SCN11A: variants seen among roughly 807,000 people sequenced by gnomAD.
The protein encoded by SCN11A is sodium voltage-gated channel alpha subunit 11.
SCN11A carries 122 observed loss-of-function variants against 162.2 expected under a neutral mutation model. That is an observed-to-expected ratio of 0.75 (90% CI 0.65 to 0.87). The LOEUF (loss-of-function observed/expected upper bound fraction) is 0.87. Ranked by LOEUF, SCN11A falls within the 40% of genes least tolerant of loss-of-function variation. The pLI, the probability that SCN11A is intolerant of heterozygous loss-of-function variation, is 0.00. For synonymous variants in SCN11A, 758 were observed against 751.5 expected, an observed-to-expected ratio of 1.01 and a Z score of -0.14; for missense variants, 2,015 against 2,181.6, an observed-to-expected ratio of 0.92 and a Z score of 1.52.
chr3:38,956,122 G>A (rs1409301149), intron 3 of SCN11A, among the ~76,000 whole-genome samples: 2 of 152,110 alleles, frequency 1.3e-5, no homozygotes, highest in African/African-American at 2.4e-5. Flanking sequence ...GTGCGTGCCT[G>A]TAATCCCAGC....
At position 38,899,863 on chromosome 3, in the gene SCN11A, G is replaced by A. The variant is rs377324020; in HGVS notation, c.2022+31C>T. 6.3e-6 allele frequency: 10 copies of A among 1,590,974 alleles called. No individual in the cohort carries two copies. In the Admixed American group the frequency reaches 6.8e-5, roughly 11 times the overall value. On this transcript the variant is annotated intron_variant, in intron 17 of 29. Coordinates refer to ENST00000302328, the MANE Select transcript of SCN11A (RefSeq NM_001349253.2). ...ACGTTTTTTCCACTTAGGCAGCTAC[G>A]TTTATGCAGTAAAATAAGAAAGTGC...
chr3:38,856,315 G>T (rs4616581), intron 28 of SCN11A, among the ~76,000 whole-genome samples: 39,206 of 152,138 alleles, frequency 0.26, 5,285 homozygotes, highest in African/African-American at 0.33. Context: ...AATCCAGGGT[G>T]AGTGCGGCCC....
chr3:38,931,135 T>C (rs2066233947), intron 7 of SCN11A, among the ~76,000 whole-genome samples: 1 of 152,200 alleles, frequency 6.6e-6, no homozygotes, highest in Admixed American at 6.5e-5. Flanking sequence ...TAGCACCTCA[T>C]GCAACAGCCA....
At chr3:38,972,776 AT>A (rs1307320803) in intron 2 of SCN11A, among the ~76,000 whole-genome samples, 3 of 152,140 alleles carry the variant, frequency 2.0e-5, no homozygotes, top group South Asian at 2.1e-4. Flanking sequence ...TGAATTTATT[AT>A]GGGCTGCATA....
chr3:38,879,874 G>A, intron 23 of SCN11A, 76 bp downstream of exon 23: 1 of 1,205,910 alleles, frequency 8.3e-7, no homozygotes, highest in Non-Finnish European at 1.2e-6. Context: ...GCGGCACACA[G>A]GAAAAGCAGC....
Position 38,846,715 on chromosome 3 carries a change from C to T in SCN11A, c.5355G>A (p.Lys1785=). The T allele has an allele frequency of 6.2e-7, 1 of 1,614,034 alleles. No homozygotes were observed. Residue 1785 remains lysine (K), a synonymous_variant, in exon 30 of 30, where the codon AAG becomes AAA. Transcript: ENST00000302328. ...NGDLSSFGVA[K]GKVHCD is the part of the protein sequence containing the mutation. ...GGGCTCAGTCACAGTGGACCTTGCC[C>T]TTGGCCACCCCAAAGCTAGACAAGT...
intron 5 of SCN11A, 72 bp downstream of exon 5, chr3:38,950,024 C>G (rs2066578126): frequency 2.3e-6 from 2 of 885,728 alleles, no homozygotes; most frequent in Admixed American, 4.7e-5. Flanking sequence ...TTTGGAGAAC[C>G]TGTAACACCA....
rs750275701 is a variant in SCN11A at position 38,872,236 on chromosome 3, G to A, written c.3452C>T (p.Ala1151Val). 6.2e-6 allele frequency: 10 copies of A among 1,611,364 alleles called. No homozygotes were observed. Among genetic ancestry groups the A allele is most frequent in the Admixed American group, 1.7e-5 (1 of 59,958 alleles). The part of the protein sequence containing the change: ...MELKSFRTLR[A>V]LRPLRALSQF... ...GGACAGCGCACGAAGAGGCCTCAGT[G>A]CTCGTAGAGTCCGGAAGGACTTCAA... Residue 1151 changes from alanine (A) to valine (V), a missense_variant, in exon 24 of 30, where the codon GCA (alanine) becomes GTA (valine). Transcript: ENST00000302328.
At chr3:38,855,981 G>A (rs2064862269) in intron 28 of SCN11A, among the ~76,000 whole-genome samples, 1 of 152,196 alleles carries the variant, frequency 6.6e-6, no homozygotes, top group African/African-American at 2.4e-5. Flanking sequence ...ACTGCAGTCT[G>A]GCTTTCAGGA....
intron 11 of SCN11A, among the ~76,000 whole-genome samples, chr3:38,918,528 C>G (rs2065996263): frequency 1.3e-5 from 2 of 152,190 alleles, no homozygotes; most frequent in Non-Finnish European, 2.9e-5. Context: ...CAGTTTCATT[C>G]TAAAACCACC....
In SCN11A at chr3:38,926,846, G is replaced by C. The variant is rs747189580; in HGVS notation, c.574C>G (p.Arg192Gly). Residue 192 changes from arginine to glycine, a missense_variant, in exon 8 of 30, where the codon CGA (arginine) becomes GGA (glycine). By Grantham distance (125) the Arg-to-Gly change is moderately radical. Coordinates refer to ENST00000302328, the MANE Select transcript of SCN11A (RefSeq NM_001349253.2). ...GAGTCCAGCCAGTTCCATGGATCTC[G>C]AAGGAAAGAAAACTCATCCAGAATG... ...GFILDEFSFL[R>G]DPWNWLDSIV... 6.2e-7 allele frequency: 1 copy of C among 1,613,350 alleles called. No individual in the cohort carries two copies. Among genetic ancestry groups the C allele is most frequent in the Admixed American group, 1.7e-5 (1 of 60,008 alleles).
chr3:38,906,751 C>T (rs2065798166), intron 14 of SCN11A, among the ~76,000 whole-genome samples: 1 of 152,120 alleles, frequency 6.6e-6, no homozygotes, highest in African/African-American at 2.4e-5. Context: ...TTCATAAATC[C>T]AGTCATATCC....
intron 2 of SCN11A, among the ~76,000 whole-genome samples, chr3:38,996,599 C>A (rs1011006599): frequency 2.0e-5 from 3 of 152,122 alleles, no homozygotes; most frequent in African/African-American, 7.2e-5. Flanking sequence ...GAACTTGAGA[C>A]CCTACTTTTG....
intron 7 of SCN11A, among the ~76,000 whole-genome samples, chr3:38,932,735 G>C (rs1285550397): frequency 6.6e-6 from 1 of 152,182 alleles, no homozygotes; most frequent in Non-Finnish European, 1.5e-5. Context: ...CAACTGGGTG[G>C]AGCCCACCAC....
In SCN11A at chr3:38,850,756, G is replaced by A; in HGVS notation, c.4057-5C>T. 2.1e-5 allele frequency: 33 copies of A among 1,542,864 alleles called. No homozygotes were observed. The highest frequency in any genetic ancestry group is 1.0e-4 in the South Asian group (8 of 79,964). On this transcript the variant is annotated splice_polypyrimidine_tract_variant and splice_region_variant and intron_variant, in intron 28 of 29. Coordinates refer to ENST00000302328, the MANE Select transcript of SCN11A (RefSeq NM_001349253.2). ...CACGAGACCTTGACATTTGTTCTGA[G>A]AAAAAAAAGAAATTATAAATCATTT...
At chr3:38,909,242 G>A (rs745855725) in intron 12 of SCN11A, 48 bp from the exon 13 acceptor site, 1 of 1,587,054 alleles carries the variant, frequency 6.3e-7, no homozygotes, top group African/African-American at 1.3e-5. Flanking sequence ...TCTTCCACAG[G>A]AAAGTGACCA....
chr3:39,036,175 A>C (rs575049532), intron 1 of SCN11A, among the ~76,000 whole-genome samples: 2 of 150,638 alleles, frequency 1.3e-5, no homozygotes, highest in East Asian at 4.0e-4. Context: ...ACAGAGTCTC[A>C]CTCCGTAGCC....
At chr3:39,050,527 C>T (rs868288814) in intron 1 of SCN11A, among the ~76,000 whole-genome samples, 3 of 152,282 alleles carry the variant, frequency 2.0e-5, no homozygotes, top group Non-Finnish European at 1.5e-5. Context: ...GTTATCACTG[C>T]CAGTTTTGCT....
At position 38,894,714 on chromosome 3, in the gene SCN11A, A is replaced by G. The variant is rs1559513522; in HGVS notation, c.2654T>C (p.Met885Thr). 3 of 1,614,088 alleles carry G rather than the reference A, an allele frequency of 1.9e-6. No homozygotes were observed. The highest frequency in any genetic ancestry group is 1.6e-4 in the Middle Eastern group (1 of 6,062). The change falls in exon 19 of 30, where the codon ATG becomes ACG. Residue 885 changes from methionine (M) to threonine (T), a missense_variant. Coordinates refer to ENST00000302328, the MANE Select transcript of SCN11A (RefSeq NM_001349253.2). ...GGTCTCTGAGCCCCTTTTCATCTCC[A>G]TGACCAGGGGAATGATGTCTTTGCT... ...AQSKDIIPLV[M>T]EMKRGSETQE...
Sources: gnomAD v4.1 joint callset for allele counts (sites outside exome capture counted in the v4.1 genomes callset) on GRCh38, gnomAD v4.1.1 for gene constraint, MANE v1.5 for transcripts, NCBI Gene and HGNC (gene_info 2026-07-23, HGNC 2026-07-21) for gene names.